Variants in ATF6 observed in about 807,000 individuals in gnomAD.
ATF6 encodes activating transcription factor 6, also known as cyclic AMP-dependent transcription factor ATF-6 alpha.
Under a neutral mutation model 83.6 loss-of-function variants are expected in ATF6, and 53 were observed. The ratio of observed to expected loss-of-function variants is 0.63; its 90% CI spans 0.51 to 0.80. ATF6 has a LOEUF of 0.80. Among genes scored for constraint, ATF6 ranks in the 30% least tolerant of loss-of-function variants. The pLI, the probability that ATF6 is intolerant of heterozygous loss-of-function variation, is 0.00. For missense variants in ATF6, 744 were observed against 797.9 expected (o/e 0.93, Z 0.81); for synonymous variants, 288 against 285.8 (o/e 1.01, Z -0.08).
At chr1:161,815,234 C>A (rs1685586970) in intron 7 of ATF6, among the ~76,000 whole-genome samples, 1 of 143,580 alleles carries the variant, frequency 7.0e-6, no homozygotes, top group South Asian at 2.2e-4. Context: ...CTCTGTCACC[C>A]AGGCTGGAGA....
chr1:161,919,777 C>G (rs975421857), intron 15 of ATF6, among the ~76,000 whole-genome samples: 2 of 152,168 alleles, frequency 1.3e-5, no homozygotes, highest in Admixed American at 1.3e-4. Flanking sequence ...CCAGGCTAAA[C>G]TGTAATTATA....
chr1:161,916,544 A>G (rs1452014437), intron 15 of ATF6, among the ~76,000 whole-genome samples: 7 of 152,182 alleles, frequency 4.6e-5, no homozygotes, highest in Admixed American at 3.3e-4. Context: ...TTTAACATTG[A>G]TACAGTAGAG....
At chr1:161,809,609 G>A (rs1216913067) in intron 7 of ATF6, among the ~76,000 whole-genome samples, 1 of 152,222 alleles carries the variant, frequency 6.6e-6, no homozygotes, top group African/African-American at 2.4e-5. Context: ...GATCCTTGAG[G>A]AATTGCCACA....
At chr1:161,908,725 G>A (rs1028660386) in intron 14 of ATF6, among the ~76,000 whole-genome samples, 3 of 152,072 alleles carry the variant, frequency 2.0e-5, no homozygotes, top group African/African-American at 4.8e-5. Flanking sequence ...TGACAGTGCC[G>A]AAATATATTT....
chr1:161,935,229 A>G (rs1027919244), intron 15 of ATF6, among the ~76,000 whole-genome samples: 14 of 152,206 alleles, frequency 9.2e-5, no homozygotes, highest in African/African-American at 1.2e-4. Context: ...CTTTTGAGAT[A>G]GGTAGGTATA....
chr1:161,840,897 C>T (rs1397040100), intron 9 of ATF6, among the ~76,000 whole-genome samples: 1 of 152,062 alleles, frequency 6.6e-6, no homozygotes, highest in Non-Finnish European at 1.5e-5. Flanking sequence ...ATATTTGTAG[C>T]TTGTTTTAAA....
At chr1:161,785,328 CT>C (rs1448464313) in intron 4 of ATF6, among the ~76,000 whole-genome samples, 2 of 152,144 alleles carry the variant, frequency 1.3e-5, no homozygotes, top group Non-Finnish European at 2.9e-5. Flanking sequence ...CTTTATGAAG[CT>C]TTTCTCTGAT....
intron 15 of ATF6, among the ~76,000 whole-genome samples, chr1:161,941,110 C>A (rs1270419244): frequency 6.6e-6 from 1 of 152,234 alleles, no homozygotes; most frequent in Non-Finnish European, 1.5e-5. Flanking sequence ...TGGGAACAAA[C>A]TCCCATTGGG....
intron 14 of ATF6, among the ~76,000 whole-genome samples, chr1:161,888,360 A>G (rs1687473392): frequency 6.6e-6 from 1 of 152,218 alleles, no homozygotes; most frequent in South Asian, 2.1e-4. Context: ...AATCTTTTAT[A>G]GCCAAAGTTA....
rs1324536222 is a variant in ATF6 at position 161,959,471 on chromosome 1, C to A, written c.*817C>A. ...GGATCACGAGGTCAGGAGATCAAGACCATCCCGGCTAAAACGGTGAAACCC... is the reference window on the plus strand; with the variant it reads ...GGATCACGAGGTCAGGAGATCAAGAACATCCCGGCTAAAACGGTGAAACCC... On this transcript the variant is annotated 3_prime_UTR_variant, in exon 16 of 16. Coordinates refer to ENST00000367942, the MANE Select transcript of ATF6 (RefSeq NM_007348.4). The A allele has an allele frequency of 6.6e-6, 1 of 152,008 alleles. No individual in the cohort carries two copies. The highest frequency in any genetic ancestry group is 1.5e-5 in the Non-Finnish European group (1 of 68,006). 9.4% of individuals were successfully genotyped at this position (152,008 alleles called of 1,614,324 possible).
intron 14 of ATF6, among the ~76,000 whole-genome samples, chr1:161,901,519 G>A (rs1441696919): frequency 2.0e-5 from 3 of 149,972 alleles, no homozygotes; most frequent in Non-Finnish European, 4.4e-5. Flanking sequence ...TTAGTGAGAA[G>A]AGTAGCACTG....
chr1:161,935,472 C>G (rs1471514863), intron 15 of ATF6, among the ~76,000 whole-genome samples: 1 of 152,162 alleles, frequency 6.6e-6, no homozygotes, highest in African/African-American at 2.4e-5. Flanking sequence ...TTAAATCTGC[C>G]AGTGCTTTGA....
At chr1:161,916,396 A>G (rs953606228) in intron 15 of ATF6, among the ~76,000 whole-genome samples, 2 of 152,134 alleles carry the variant, frequency 1.3e-5, no homozygotes, top group Non-Finnish European at 2.9e-5. Flanking sequence ...ATCTATGTAC[A>G]CTCACCAGAT....
chr1:161,850,784 T>C (rs1301797664), intron 10 of ATF6, among the ~76,000 whole-genome samples: 1 of 152,188 alleles, frequency 6.6e-6, no homozygotes, highest in Non-Finnish European at 1.5e-5. Flanking sequence ...GTTTTCTAAA[T>C]CCAGATCATC....
rs1181033729 is a variant in ATF6 at position 161,960,767 on chromosome 1, A to G, written c.*2113A>G. ...ATTCTTCTGCTGGGTGCCAAGGAATATAAGGCAAATGCCCAGAAGACCTTC... is the reference window on the plus strand; with the variant it reads ...ATTCTTCTGCTGGGTGCCAAGGAATGTAAGGCAAATGCCCAGAAGACCTTC... On this transcript the variant is annotated 3_prime_UTR_variant, in exon 16 of 16. Transcript: ENST00000367942. 1 of 152,224 alleles carries G rather than the reference A, an allele frequency of 6.6e-6. No homozygotes were observed. The highest frequency in any genetic ancestry group is 2.4e-5 in the African/African-American group (1 of 41,446). The allele number at this position is 152,224 out of a possible 1,614,324, so 9.4% of individuals were successfully genotyped here.
chr1:161,860,498 T>C (rs998236161), intron 13 of ATF6, among the ~76,000 whole-genome samples: 24 of 151,582 alleles, frequency 1.6e-4, no homozygotes, highest in Non-Finnish European at 3.1e-4. Context: ...CTCTCCCAAA[T>C]CCCTTAAATA....
chr1:161,948,690 C>A (rs957232655), intron 15 of ATF6, among the ~76,000 whole-genome samples: 4 of 152,138 alleles, frequency 2.6e-5, no homozygotes, highest in African/African-American at 9.7e-5. Context: ...TTGGCCTTAC[C>A]TATTGTTAAT....
At chr1:161,810,439 A>ATGGTGATT (rs1355021191) in intron 7 of ATF6, among the ~76,000 whole-genome samples, 4 of 152,176 alleles carry the variant, frequency 2.6e-5, no homozygotes, top group Non-Finnish European at 5.9e-5. Context: ...ATCACCTTTC[A>ATGGTGATT]CCAGGCTCCT....
At chr1:161,921,596 A>G (rs1688213552) in intron 15 of ATF6, among the ~76,000 whole-genome samples, 1 of 152,212 alleles carries the variant, frequency 6.6e-6, no homozygotes, top group Non-Finnish European at 1.5e-5. Flanking sequence ...TTGAGACCAG[A>G]CCACTGAGAG....
Sources: gnomAD v4.1 joint callset for allele counts (sites outside exome capture counted in the v4.1 genomes callset) on GRCh38, gnomAD v4.1.1 for gene constraint, MANE v1.5 for transcripts, NCBI Gene and HGNC (gene_info 2026-07-23, HGNC 2026-07-21) for gene names.